Variants in ANKS1B observed in about 807,000 individuals in gnomAD.
ANKS1B encodes the protein ankyrin repeat and sterile alpha motif domain containing 1B, also known as ankyrin repeat and sterile alpha motif domain-containing protein 1B.
ANKS1B carries 36 observed loss-of-function variants against 148.3 expected under a neutral mutation model. The ratio of observed to expected loss-of-function variants is 0.24; its 90% CI spans 0.19 to 0.32. The LOEUF is 0.32. Among genes scored for constraint, ANKS1B ranks in the 10% least tolerant of loss-of-function variants. The pLI is 1.00. For missense variants in ANKS1B, 1,157 were observed against 1,542.6 expected (o/e 0.75, Z 4.19); for synonymous variants, 542 against 560.8 (o/e 0.97, Z 0.47).
chr12:99,817,729 G>T (rs1466606733), intron 2 of ANKS1B, among the ~76,000 whole-genome samples: 1 of 151,728 alleles, frequency 6.6e-6, no homozygotes, highest in Non-Finnish European at 1.5e-5. Flanking sequence ...AGATGATACT[G>T]TGATTTTGAT....
intron 17 of ANKS1B, among the ~76,000 whole-genome samples, chr12:98,867,472 T>C (rs747323560): frequency 2.0e-5 from 3 of 152,232 alleles, no homozygotes; most frequent in Non-Finnish European, 2.9e-5. Context: ...AAATGAAATA[T>C]GACCAAATGC....
chr12:99,311,094 C>A (rs2083088881), intron 12 of ANKS1B, among the ~76,000 whole-genome samples: 1 of 152,140 alleles, frequency 6.6e-6, no homozygotes, highest in Non-Finnish European at 1.5e-5. Context: ...TTGCTGTTGT[C>A]ATTCTTGTAT....
chr12:99,350,383 C>T (rs1031822797), intron 12 of ANKS1B, among the ~76,000 whole-genome samples: 2 of 151,830 alleles, frequency 1.3e-5, no homozygotes, highest in Non-Finnish European at 2.9e-5. Flanking sequence ...CAGCTATGGA[C>T]ACTCACAAGG....
intron 14 of ANKS1B, among the ~76,000 whole-genome samples, chr12:99,162,676 G>A (rs148370429): frequency 6.6e-6 from 1 of 151,980 alleles, no homozygotes; most frequent in African/African-American, 2.4e-5. Flanking sequence ...GGATATATAC[G>A]TATATGGGAG....
chr12:98,783,826 C>A (rs926091094), intron 22 of ANKS1B, among the ~76,000 whole-genome samples: 3 of 152,070 alleles, frequency 2.0e-5, no homozygotes. Context: ...CACAATCAGA[C>A]CTGTGTTGCA....
chr12:99,931,137 A>G (rs1185507758), intron 1 of ANKS1B, among the ~76,000 whole-genome samples: 1 of 152,276 alleles, frequency 6.6e-6, no homozygotes, highest in African/African-American at 2.4e-5. Flanking sequence ...GTGGAATTGA[A>G]CAATGAGAAC....
intron 9 of ANKS1B, among the ~76,000 whole-genome samples, chr12:99,530,591 G>A (rs1320866954): frequency 1.3e-5 from 2 of 152,076 alleles, no homozygotes; most frequent in Non-Finnish European, 2.9e-5. Context: ...AAGCAAAAGT[G>A]ATTTTCCATT....
intron 25 of ANKS1B, among the ~76,000 whole-genome samples, chr12:98,769,888 C>G (rs12309594): frequency 0.55 from 82,968 of 152,062 alleles, 23,392 homozygotes; most frequent in East Asian, 0.76. Flanking sequence ...AGGCAGCAAG[C>G]TCTGTGGAGT....
intron 14 of ANKS1B, among the ~76,000 whole-genome samples, chr12:99,208,093 T>C (rs2082900696): frequency 6.6e-6 from 1 of 152,050 alleles, no homozygotes; most frequent in Admixed American, 6.6e-5. Context: ...AGTAAAAAGT[T>C]TTTCTTTATT....
chr12:99,913,260 A>G (rs949639446), intron 1 of ANKS1B, among the ~76,000 whole-genome samples: 1 of 152,202 alleles, frequency 6.6e-6, no homozygotes, highest in African/African-American at 2.4e-5. Flanking sequence ...TGAAAAATTA[A>G]TTTCATTTCC....
At chr12:99,090,230 G>A (rs2053566451) in intron 15 of ANKS1B, among the ~76,000 whole-genome samples, 1 of 152,076 alleles carries the variant, frequency 6.6e-6, no homozygotes, top group South Asian at 2.1e-4. Context: ...TGTACTGATG[G>A]CTCTGTCTCT....
chr12:99,197,980 T>TATCTATCTTCCAC, intron 14 of ANKS1B, among the ~76,000 whole-genome samples: 2 of 152,232 alleles, frequency 1.3e-5, no homozygotes, highest in African/African-American at 4.8e-5. Context: ...TCATGTAAAA[T>TATCTATCTTCCAC]ATCTATCTTC....
intron 17 of ANKS1B, among the ~76,000 whole-genome samples, chr12:98,936,369 C>G (rs537963503): frequency 6.6e-6 from 1 of 152,198 alleles, no homozygotes; most frequent in African/African-American, 2.4e-5. Flanking sequence ...TGGCTCATGC[C>G]TGTAATCCCA....
intron 8 of ANKS1B, among the ~76,000 whole-genome samples, chr12:99,666,720 A>G (rs1253865930): frequency 6.6e-6 from 1 of 152,140 alleles, no homozygotes; most frequent in Non-Finnish European, 1.5e-5. Context: ...TTTTCCCTCT[A>G]GCACTATTGG....
At chr12:99,922,186 G>C (rs2094374005) in intron 1 of ANKS1B, among the ~76,000 whole-genome samples, 1 of 152,240 alleles carries the variant, frequency 6.6e-6, no homozygotes, top group African/African-American at 2.4e-5. Context: ...ATCTAAATAA[G>C]TGGTACTTAT....
At chr12:98,967,751 TAAAA>T (rs544792811) in intron 17 of ANKS1B, among the ~76,000 whole-genome samples, 11 of 81,354 alleles carry the variant, frequency 1.4e-4, no homozygotes, top group East Asian at 5.9e-4. Flanking sequence ...CAGACAAATC[TAAAA>T]AAAAAAAAAA....
intron 8 of ANKS1B, among the ~76,000 whole-genome samples, chr12:99,715,781 T>TC (rs1323574547): frequency 6.6e-6 from 1 of 152,144 alleles, no homozygotes; most frequent in Non-Finnish European, 1.5e-5. Context: ...CTCCAACCTC[T>TC]CTCACTATCC....
intron 17 of ANKS1B, among the ~76,000 whole-genome samples, chr12:98,997,472 G>A (rs2153346897): frequency 6.6e-6 from 1 of 150,572 alleles, no homozygotes; most frequent in Middle Eastern, 3.4e-3. Flanking sequence ...CGTGATCTTG[G>A]CTCACTGCAC....
chr12:99,320,953 A>T (rs144617583), intron 12 of ANKS1B, among the ~76,000 whole-genome samples: 1 of 152,024 alleles, frequency 6.6e-6, no homozygotes, highest in African/African-American at 2.4e-5. Flanking sequence ...GGTCTGTTGG[A>T]GTTTGCTGGA....
Sources: allele counts gnomAD v4.1 joint callset (sites outside exome capture counted in the v4.1 genomes callset), GRCh38; gene constraint gnomAD v4.1.1; transcripts MANE v1.5; gene names NCBI Gene and HGNC (gene_info 2026-07-23, HGNC 2026-07-21).